DOCK11: variants seen among roughly 807,000 people sequenced by gnomAD.
DOCK11 encodes the protein dedicator of cytokinesis 11.
DOCK11 carries 70 observed loss-of-function variants against 169.1 expected under a neutral mutation model. That is an observed-to-expected ratio of 0.41 (90% CI 0.34 to 0.51). DOCK11 has a LOEUF of 0.51. Among genes scored for constraint, DOCK11 ranks in the 20% least tolerant of loss-of-function variants. The pLI, the probability that DOCK11 is intolerant of heterozygous loss-of-function variation, is 0.10. For synonymous variants in DOCK11, 529 were observed against 541.3 expected (o/e 0.98, Z 0.32); for missense variants, 1,166 against 1,538.8 (o/e 0.76, Z 4.05).
intron 11 of DOCK11, among the ~76,000 whole-genome samples, chrX:118,572,847 G>A (rs2013324175): frequency 9.0e-6 from 1 of 111,622 alleles, no homozygotes; most frequent in Non-Finnish European, 1.9e-5. Flanking sequence ...GGCTCTTGAT[G>A]TTCAAGAGGA....
intron 31 of DOCK11, among the ~76,000 whole-genome samples, chrX:118,619,277 C>G (rs748792896): frequency 9.4e-6 from 1 of 106,026 alleles, no homozygotes; most frequent in South Asian, 4.2e-4. Context: ...AGTTTGAGAC[C>G]AGCCTGGGCA....
At position 118,500,337 on chromosome X, in the gene DOCK11, C is replaced by T. The variant is rs780321364; in HGVS notation, c.102+4264C>T. On this transcript the variant is annotated intron_variant, in intron 1 of 52. Transcript: ENST00000276202. ...TGCTGGGATTACAGGCGTGAGCCAC[C>T]GCGCCCGGCCTTCATTGCTTTATTA... is the stretch of plus-strand genomic sequence containing the variant. 5.4e-5 allele frequency among the ~76,000 whole-genome samples: 6 copies of T among 111,437 alleles called. No individual in the cohort carries two copies. In the South Asian group the frequency reaches 2.2e-3, roughly 42 times the overall value.
intron 44 of DOCK11, among the ~76,000 whole-genome samples, chrX:118,660,276 T>C (rs776881963): frequency 1.8e-5 from 2 of 112,018 alleles, no homozygotes; most frequent in Admixed American, 9.5e-5. Context: ...TCAACTGACT[T>C]GTTCCTTTTA....
Position 118,531,517 on chromosome X carries a change from T to C in DOCK11, c.103-11208T>C, listed in dbSNP as rs573661031. Among the ~76,000 whole-genome samples the C allele has an allele frequency of 1.1e-4, 11 of 101,128 alleles. No homozygotes were observed. In the South Asian group the frequency reaches 4.8e-3, roughly 44 times the overall value. The allele number at this position is 101,128 out of a possible 115,157, so 87.8% of individuals were successfully genotyped here. A position where few individuals can be genotyped will look rare whatever the true frequency, so the allele number is the denominator to read the frequency against. ...GACAGCCTTTGAGATATAATCCTCA[T>C]TCTATACAGCTTAACCATTTGAAGT... On this transcript the variant is annotated intron_variant, in intron 1 of 52. Transcript: ENST00000276202.
In DOCK11 at chrX:118,630,381, C is replaced by A. The variant is rs1238890141; in HGVS notation, c.3777C>A (p.Thr1259=). ...FPDQGNTGEN[T]RQSSTRSSVS... ...TCACGAACATCCTGTCCTTACAGAC[C>A]CGACAGAGTTCTACAAGGAGTAGTG... Residue 1259 remains threonine (T), a splice_region_variant and synonymous_variant, in exon 35 of 53, where the codon ACC becomes ACA. Coordinates refer to ENST00000276202, the MANE Select transcript of DOCK11 (RefSeq NM_144658.4). 2 of 1,191,004 alleles carry A rather than the reference C, an allele frequency of 1.7e-6. No individual in the cohort carries two copies. Among genetic ancestry groups the A allele is most frequent in the Non-Finnish European group, 2.3e-6 (2 of 879,755 alleles).
In DOCK11 at chrX:118,599,158, T is replaced by C; in HGVS notation, c.2492T>C (p.Phe831Ser). The C allele has an allele frequency of 8.3e-7, 1 of 1,210,697 alleles. No individual in the cohort carries two copies. The highest frequency in any genetic ancestry group is 1.1e-6 in the Non-Finnish European group (1 of 894,598). Residue 831 changes from phenylalanine to serine, a missense_variant, in exon 23 of 53, where the codon TTC (phenylalanine) becomes TCC (serine). Phe to Ser is a radical substitution (Grantham distance 155). Coordinates refer to ENST00000276202, the MANE Select transcript of DOCK11 (RefSeq NM_144658.4). ...IYTQDLHVHK[F>S]FHHCQLIQSG... ...TTCCAGGATCTGCATGTGCACAAAT[T>C]CTTCCATCATTGCCAGCTGATTCAG...
Position 118,566,090 on chromosome X carries a change from T to G in DOCK11, c.779T>G (p.Met260Arg). 3.3e-6 allele frequency: 4 copies of G among 1,209,427 alleles called. No individual in the cohort carries two copies. The highest frequency in any genetic ancestry group is 2.2e-6 in the Non-Finnish European group (2 of 893,778). The change falls in exon 8 of 53, where the codon ATG (methionine) becomes AGG (arginine). Residue 260 changes from methionine to arginine, a missense_variant. Met to Arg is a moderately conservative substitution (Grantham distance 91). Transcript: ENST00000276202. ...HYLAAETEQE[M>R]EEWLITLKKI... Reference sequence around the variant, plus strand: ...CTGGCTGCTGAAACTGAGCAGGAAATGGAGGAATGGTTGATAACTTTGAAA... The same window carrying G: ...CTGGCTGCTGAAACTGAGCAGGAAAGGGAGGAATGGTTGATAACTTTGAAA...
intron 18 of DOCK11, among the ~76,000 whole-genome samples, chrX:118,588,691 C>A (rs988637317): frequency 1.8e-5 from 2 of 112,237 alleles, no homozygotes; most frequent in Non-Finnish European, 3.8e-5. Flanking sequence ...TTTAAAAATG[C>A]CAGGTTTTGG....
At chrX:118,552,416 G>A (rs778077582) in intron 6 of DOCK11, among the ~76,000 whole-genome samples, 1 of 111,835 alleles carries the variant, frequency 8.9e-6, no homozygotes, top group East Asian at 2.8e-4. Flanking sequence ...ACTAGGCTGA[G>A]TTCTTCGTAT....
In DOCK11 at chrX:118,624,562, A is replaced by G. The variant is rs1247608228; in HGVS notation, c.3495A>G (p.Gln1165=). Residue 1165 remains glutamine (Q), a synonymous_variant, in exon 32 of 53, where the codon CAA becomes CAG. Coordinates refer to ENST00000276202, the MANE Select transcript of DOCK11 (RefSeq NM_144658.4). ...QHKNQQAKIA[Q]LYLPFVGLLL... is the part of the protein sequence containing the mutation. Reference sequence around the variant, plus strand: ...AGAACCAACAAGCCAAAATAGCACAATTGTACCTCCCCTTTGTTGGACTAC... The same window carrying G: ...AGAACCAACAAGCCAAAATAGCACAGTTGTACCTCCCCTTTGTTGGACTAC... 4.1e-6 allele frequency: 5 copies of G among 1,205,332 alleles called. No homozygotes were observed. In the African/African-American group the frequency reaches 7.0e-5, roughly 17 times the overall value.
chrX:118,507,989 G>A (rs1603020074), intron 1 of DOCK11, among the ~76,000 whole-genome samples: 1 of 109,304 alleles, frequency 9.1e-6, no homozygotes, highest in Admixed American at 9.8e-5. Context: ...TGATGATCTC[G>A]CTCTATTGGG....
At chrX:118,610,714 A>T (rs139872201) in intron 28 of DOCK11, among the ~76,000 whole-genome samples, 1,941 of 111,586 alleles carry the variant, frequency 0.017, 17 homozygotes, top group Non-Finnish European at 0.028. Context: ...AGACATTGGC[A>T]TTGGCTTGTG....
intron 28 of DOCK11, among the ~76,000 whole-genome samples, chrX:118,611,693 G>A (rs1221471671): frequency 3.6e-5 from 4 of 112,487 alleles, no homozygotes; most frequent in African/African-American, 1.3e-4. Flanking sequence ...TTTTGTTATT[G>A]TCAGTATGTA....
chrX:118,523,406 T>C (rs1254927915), intron 1 of DOCK11, among the ~76,000 whole-genome samples: 1 of 112,523 alleles, frequency 8.9e-6, no homozygotes, highest in Non-Finnish European at 1.9e-5. Flanking sequence ...AGGCAGTTCA[T>C]GGGGTTTTAG....
chrX:118,672,288 C>A (rs1016544933), intron 46 of DOCK11, among the ~76,000 whole-genome samples: 1 of 112,420 alleles, frequency 8.9e-6, no homozygotes, highest in East Asian at 2.8e-4. Context: ...CAATTGCCAC[C>A]AGCACTAAAC....
intron 19 of DOCK11, 152 bp from the exon 20 acceptor site, chrX:118,593,062 A>G (rs2147429176): frequency 2.0e-6 from 1 of 496,527 alleles, no homozygotes; most frequent in East Asian, 3.9e-5. Context: ...CCAGAAAAGC[A>G]TTTGGAATAT....
At position 118,589,085 on chromosome X, in the gene DOCK11, G is replaced by C. The variant is rs751034588; in HGVS notation, c.2046+607G>C. Among the ~76,000 whole-genome samples, 6 of 111,100 alleles carry C rather than the reference G, an allele frequency of 5.4e-5. No homozygotes were observed. The South Asian group carries it at 2.2e-3, about 41-fold the overall frequency. ...CTAGCCAGCAAGAAGTGTTTATTTG[G>C]CTCCCCATTTCTCTTGCATCAGCCT... On this transcript the variant is annotated intron_variant, in intron 18 of 52. Transcript: ENST00000276202.
intron 1 of DOCK11, among the ~76,000 whole-genome samples, chrX:118,507,690 G>A (rs1047778376): frequency 1.8e-5 from 2 of 111,592 alleles, no homozygotes; most frequent in African/African-American, 3.3e-5. Flanking sequence ...TTTTATAGCC[G>A]AAATCTTAAG....
chrX:118,680,479 T>C lies in DOCK11; in HGVS notation c.5461-3T>C. 9.9e-7 allele frequency: 1 copy of C among 1,013,686 alleles called. No homozygotes were observed. The highest frequency in any genetic ancestry group is 1.3e-6 in the Non-Finnish European group (1 of 778,445). 83.5% of individuals were successfully genotyped at this position (1,013,686 alleles called of 1,213,427 possible). ...AATAAATAAAAACTTTCTTATTTTA[T>C]AGGTAAATGCCAAAGAGCTTGATCC... is the stretch of plus-strand genomic sequence containing the variant. On this transcript the variant is annotated splice_polypyrimidine_tract_variant and splice_region_variant and intron_variant, in intron 48 of 52. Transcript: ENST00000276202.
Sources: gnomAD v4.1 joint callset for allele counts (sites outside exome capture counted in the v4.1 genomes callset) on GRCh38, gnomAD v4.1.1 for gene constraint, MANE v1.5 for transcripts, NCBI Gene and HGNC (gene_info 2026-07-23, HGNC 2026-07-21) for gene names.